The following ADGRD1 variants were observed in gnomAD, a reference collection of about 807,000 sequenced individuals.
ADGRD1 encodes the protein adhesion G protein-coupled receptor D1.
A neutral mutation model predicts 113.4 loss-of-function variants in ADGRD1; 77 were observed. The observed-to-expected ratio is 0.68, with a 90% CI of 0.57 to 0.82. The LOEUF (loss-of-function observed/expected upper bound fraction) is 0.82, where lower values mean the gene tolerates loss of function less well. ADGRD1 is among the 40% of genes least tolerant of loss of function. The pLI is 0.00. For synonymous variants in ADGRD1, 474 were observed against 475.0 expected, an observed-to-expected ratio of 1.00 and a Z score of 0.03; for missense variants, 1,036 against 1,139.1, an observed-to-expected ratio of 0.91 and a Z score of 1.30.
intron 4 of ADGRD1, chr12:130,973,008 G>C (rs576999775): frequency 6.6e-6 from 1 of 152,156 alleles, no homozygotes; most frequent in Admixed American, 6.5e-5. Flanking sequence ...GGCTGTGTTC[G>C]GTTGGACGGG....
intron 5 of ADGRD1, among the ~76,000 whole-genome samples, chr12:130,983,064 G>T (rs954887954): frequency 6.6e-6 from 1 of 152,202 alleles, no homozygotes; most frequent in African/African-American, 2.4e-5. Flanking sequence ...ACCCAAACAG[G>T]CTGGATCAAA....
At chr12:131,063,033 CAATAA>C (rs773972364) in intron 13 of ADGRD1, among the ~76,000 whole-genome samples, 1 of 152,120 alleles carries the variant, frequency 6.6e-6, no homozygotes, top group Non-Finnish European at 1.5e-5. Context: ...ATATTCTCGT[CAATAA>C]AATGTCTCTT....
intron 20 of ADGRD1, among the ~76,000 whole-genome samples, chr12:131,129,444 G>GTGAA (rs1300160766): frequency 2.2e-5 from 2 of 90,150 alleles, no homozygotes; most frequent in Non-Finnish European, 4.6e-5. Flanking sequence ...CTGTCTGGGT[G>GTGAA]TGACAGGCCC....
intron 4 of ADGRD1, chr12:130,980,706 C>G (rs1335756174): frequency 6.6e-6 from 1 of 152,238 alleles, no homozygotes; most frequent in Non-Finnish European, 1.5e-5. Flanking sequence ...CCTGCAGTTC[C>G]TCTTATAGTA....
At chr12:131,092,409 G>C (rs1403688113) in intron 15 of ADGRD1, among the ~76,000 whole-genome samples, 1 of 152,204 alleles carries the variant, frequency 6.6e-6, no homozygotes, top group Admixed American at 6.5e-5. Context: ...AGGTGGTCTG[G>C]TTGTCTAAGG....
At chr12:131,114,277 A>G (rs940516065) in intron 18 of ADGRD1, among the ~76,000 whole-genome samples, 1 of 152,232 alleles carries the variant, frequency 6.6e-6, no homozygotes, top group Non-Finnish European at 1.5e-5. Flanking sequence ...ACACAAGATT[A>G]CAAAGTTCTT....
rs551275848 is a variant in ADGRD1, at chr12:131,033,223, G to A, written c.1473+18883G>A. The stretch of plus-strand genomic sequence containing the variant: ...GCCGTTGGGTGGGTCCCCTGTAGCT[G>A]TGTCCAGATGGGATTGTCTTGTTTT... On this transcript the variant is annotated intron_variant, in intron 13 of 24. Coordinates refer to ENST00000261654, the MANE Select transcript of ADGRD1 (RefSeq NM_198827.5). 9.9e-3 allele frequency among the ~76,000 whole-genome samples: 1,510 copies of A among 152,032 alleles called. 24 individuals are homozygous for A. The highest frequency in any genetic ancestry group is 0.035 in the African/African-American group (1,455 of 41,512).
At chr12:131,021,444 A>C (rs986521896) in intron 13 of ADGRD1, among the ~76,000 whole-genome samples, 6 of 152,060 alleles carry the variant, frequency 3.9e-5, no homozygotes, top group Non-Finnish European at 7.4e-5. Context: ...CTTCCTCCTG[A>C]TTAGGCCGAT....
At position 131,057,418 on chromosome 12, in the gene ADGRD1, T is replaced by C. The variant is rs1036094096; in HGVS notation, c.1474-19383T>C. Among the ~76,000 whole-genome samples the C allele has an allele frequency of 6.6e-6, 1 of 152,074 alleles. No individual in the cohort carries two copies. Among genetic ancestry groups the C allele is most frequent in the Non-Finnish European group, 1.5e-5 (1 of 67,994 alleles). On this transcript the variant is annotated intron_variant, in intron 13 of 24. Transcript: ENST00000261654. The surrounding 1 kb of genome is among the most constrained non-coding windows in gnomAD (Gnocchi z 4.2). ...CGTTTCCTAGGGCCACCGTGACAAA[T>C]GGCTAGTGGCTTTAAACAGCAGAAA...
rs150750612 is a variant in ADGRD1, at chr12:131,089,068, C to T, written c.1671+4405C>T. Among the ~76,000 whole-genome samples, 527 of 152,290 alleles carry T rather than the reference C, an allele frequency of 3.5e-3. 8 individuals are homozygous for T. Among genetic ancestry groups the T allele is most frequent in the African/African-American group, 0.012 (499 of 41,558 alleles). ...GGCGCCCAGTCTGCAAACATCAGCTCGCATTTCTGTTCGTGTCATGGGACC... is the reference window on the plus strand; with the variant it reads ...GGCGCCCAGTCTGCAAACATCAGCTTGCATTTCTGTTCGTGTCATGGGACC... On this transcript the variant is annotated intron_variant, in intron 15 of 24. Coordinates refer to ENST00000261654, the MANE Select transcript of ADGRD1 (RefSeq NM_198827.5).
chr12:131,119,397 A>C (rs1950539722), intron 19 of ADGRD1, among the ~76,000 whole-genome samples: 1 of 152,242 alleles, frequency 6.6e-6, no homozygotes, highest in Admixed American at 6.5e-5. Flanking sequence ...TTCATTCTGG[A>C]TGCTGTTAGA....
At chr12:131,074,175 C>T (rs909242184) in intron 13 of ADGRD1, among the ~76,000 whole-genome samples, 1 of 152,200 alleles carries the variant, frequency 6.6e-6, no homozygotes, top group African/African-American at 2.4e-5. Flanking sequence ...ATCCCGTTTG[C>T]TTCTCCCTGA....
intron 6 of ADGRD1, chr12:130,987,975 C>T (rs893494167): frequency 6.4e-6 from 1 of 156,012 alleles, no homozygotes; most frequent in African/African-American, 2.4e-5. Flanking sequence ...AAAAGGAAAC[C>T]CCGCACCCGG....
intron 13 of ADGRD1, among the ~76,000 whole-genome samples, chr12:131,016,019 C>T (rs1878527886): frequency 1.3e-5 from 2 of 152,220 alleles, no homozygotes; most frequent in Admixed American, 1.3e-4. Context: ...CTTCCAAGCC[C>T]AGCAGACAGC....
intron 14 of ADGRD1, among the ~76,000 whole-genome samples, chr12:131,083,975 G>A (rs113622308): frequency 1.2e-4 from 18 of 152,284 alleles, no homozygotes; most frequent in South Asian, 2.1e-4. Flanking sequence ...CGGGCCTTGC[G>A]TCGTGGTTAG....
chr12:131,136,269 C>T, intron 22 of ADGRD1, 106 bp downstream of exon 22: 1 of 1,372,186 alleles, frequency 7.3e-7, no homozygotes, highest in South Asian at 1.3e-5. Flanking sequence ...CCCTCCCGGC[C>T]ACACCTTAGG....
intron 13 of ADGRD1, chr12:131,030,512 C>T (rs554610223): frequency 6.6e-6 from 1 of 152,572 alleles, no homozygotes; most frequent in Non-Finnish European, 1.5e-5. Context: ...TTTTCTGTAT[C>T]CAGTTGTCTC....
At chr12:131,066,320 C>T (rs1325764577) in intron 13 of ADGRD1, among the ~76,000 whole-genome samples, 2 of 152,170 alleles carry the variant, frequency 1.3e-5, no homozygotes, top group Admixed American at 1.3e-4. Flanking sequence ...GGTTTCCCGC[C>T]GACGCATCTG....
At chr12:131,085,230 G>A (rs1886376565) in intron 15 of ADGRD1, among the ~76,000 whole-genome samples, 2 of 152,218 alleles carry the variant, frequency 1.3e-5, no homozygotes, top group Non-Finnish European at 2.9e-5. Flanking sequence ...GGAGCGGGGC[G>A]TCTTCACGGA....
Sources: allele counts gnomAD v4.1 joint callset (sites outside exome capture counted in the v4.1 genomes callset), GRCh38; gene constraint gnomAD v4.1.1; non-coding constraint Gnocchi (gnomAD v3.1); transcripts MANE v1.5; gene names NCBI Gene and HGNC (gene_info 2026-07-23, HGNC 2026-07-21).